Variants in ARHGAP12 observed in about 807,000 individuals in gnomAD.
The protein encoded by ARHGAP12 is Rho GTPase activating protein 12.
Under a neutral mutation model 108.6 loss-of-function variants are expected in ARHGAP12, and 64 were observed. The ratio of observed to expected loss-of-function variants is 0.59; its 90% CI spans 0.48 to 0.73. The LOEUF is 0.73. Ranked by LOEUF, ARHGAP12 falls within the 30% of genes least tolerant of loss-of-function variation. ARHGAP12 has a pLI of 0.00. For synonymous variants in ARHGAP12, 312 were observed against 337.2 expected, an observed-to-expected ratio of 0.93 and a Z score of 0.82; for missense variants, 940 against 1,005.9, an observed-to-expected ratio of 0.93 and a Z score of 0.89.
intron 11 of ARHGAP12, 133 bp downstream of exon 11, chr10:31,826,168 TAAG>T (rs1835598069): frequency 1.6e-6 from 1 of 607,820 alleles, no homozygotes; most frequent in Non-Finnish European, 2.7e-6. Context: ...AATGAATCTT[TAAG>T]AAGATTTTAT....
intron 9 of ARHGAP12, among the ~76,000 whole-genome samples, chr10:31,834,029 C>T (rs1027199077): frequency 6.6e-6 from 1 of 151,978 alleles, no homozygotes; most frequent in Non-Finnish European, 1.5e-5. Context: ...AGAAAAGGGG[C>T]CCAATTTGAC....
intron 1 of ARHGAP12, among the ~76,000 whole-genome samples, chr10:31,911,965 A>G (rs1839366781): frequency 6.6e-6 from 1 of 152,088 alleles, no homozygotes; most frequent in Non-Finnish European, 1.5e-5. Flanking sequence ...AATACCTCAA[A>G]CTTATCATAA....
intron 6 of ARHGAP12, among the ~76,000 whole-genome samples, chr10:31,844,882 C>G (rs1452097279): frequency 2.0e-5 from 3 of 152,048 alleles, no homozygotes; most frequent in African/African-American, 7.2e-5. Context: ...TTATGGATAT[C>G]TGTTTGCAAA....
At chr10:31,814,153 T>C (rs1272284833) in intron 14 of ARHGAP12, 106 bp downstream of exon 14, 2 of 871,300 alleles carry the variant, frequency 2.3e-6, no homozygotes, top group Non-Finnish European at 3.7e-6. Context: ...ACAGCCCTTT[T>C]GTAACATTGG....
In ARHGAP12 at chr10:31,908,190, G is replaced by A; in HGVS notation, c.666C>T (p.Ser222=). 6.2e-7 allele frequency: 1 copy of A among 1,605,150 alleles called. No homozygotes were observed. The highest frequency in any genetic ancestry group is 8.5e-7 in the Non-Finnish European group (1 of 1,175,940). ...DSESGDELSS[S]STEQIRATTP... ...ATCTTACCCTTATCTGTTCAGTGGAGCTGCTGCTAAGTTCATCACCAGATT... is the reference window on the plus strand; with the variant it reads ...ATCTTACCCTTATCTGTTCAGTGGAACTGCTGCTAAGTTCATCACCAGATT... Residue 222 remains serine, a synonymous_variant, in exon 3 of 20, where the codon AGC becomes AGT. Transcript: ENST00000344936.
At position 31,871,008 on chromosome 10, in the gene ARHGAP12, T is replaced by C. The variant is rs143563992; in HGVS notation, c.685-9350A>G. 3.0e-3 allele frequency among the ~76,000 whole-genome samples: 456 copies of C among 152,304 alleles called. 1 individual carries two copies. Among genetic ancestry groups the C allele is most frequent in the Middle Eastern group, 0.017 (5 of 294 alleles). ...AGGAAAGAGGACAAAACTACTCTAA[T>C]GACACAGCTAACTGCTGCAGAGAGA... On this transcript the variant is annotated intron_variant, in intron 3 of 19. Transcript: ENST00000344936.
chr10:31,844,894 A>G (rs1023357981), intron 6 of ARHGAP12, among the ~76,000 whole-genome samples: 3 of 152,120 alleles, frequency 2.0e-5, no homozygotes, highest in African/African-American at 7.2e-5. Flanking sequence ...GTTTGCAAAT[A>G]TAAATTTTAG....
chr10:31,893,326 C>T (rs1198395106), intron 3 of ARHGAP12, among the ~76,000 whole-genome samples: 2 of 151,848 alleles, frequency 1.3e-5, no homozygotes, highest in Non-Finnish European at 2.9e-5. Context: ...TTGAAAAAAT[C>T]AACAAAATTG....
At position 31,889,458 on chromosome 10, in the gene ARHGAP12, A is replaced by G. The variant is rs532386998; in HGVS notation, c.684+18714T>C. Among the ~76,000 whole-genome samples the G allele has an allele frequency of 5.9e-5, 9 of 152,200 alleles. No homozygotes were observed. The East Asian group carries it at 1.7e-3, about 29-fold the overall frequency. On this transcript the variant is annotated intron_variant, in intron 3 of 19. Coordinates refer to ENST00000344936, the MANE Select transcript of ARHGAP12 (RefSeq NM_018287.7). Reference sequence around the variant, plus strand: ...AATAATTGCTATAAAGAATAATACAAAGTTCACCTTTGCACTCAAATAAAT... The same window carrying G: ...AATAATTGCTATAAAGAATAATACAGAGTTCACCTTTGCACTCAAATAAAT...
intron 6 of ARHGAP12, among the ~76,000 whole-genome samples, chr10:31,851,294 C>A (rs76150765): frequency 8.6e-5 from 13 of 152,002 alleles, no homozygotes; most frequent in Non-Finnish European, 1.3e-4. Flanking sequence ...TAAGAACCTA[C>A]GTAAAATGTG....
At chr10:31,838,124 A>G (rs1197998879) in intron 9 of ARHGAP12, among the ~76,000 whole-genome samples, 4 of 152,220 alleles carry the variant, frequency 2.6e-5, no homozygotes, top group East Asian at 3.8e-4. Flanking sequence ...CTGAGGAAAT[A>G]AAAGTTCAAA....
At chr10:31,863,982 T>A (rs1407719985) in intron 3 of ARHGAP12, among the ~76,000 whole-genome samples, 1 of 152,074 alleles carries the variant, frequency 6.6e-6, no homozygotes, top group Non-Finnish European at 1.5e-5. Context: ...GTCTATAAGG[T>A]TAACATAATT....
intron 3 of ARHGAP12, among the ~76,000 whole-genome samples, chr10:31,889,005 G>A (rs1003909004): frequency 6.6e-6 from 1 of 152,036 alleles, no homozygotes; most frequent in Non-Finnish European, 1.5e-5. Context: ...TGCCTCCCAG[G>A]TTCAAATGAT....
intron 3 of ARHGAP12, among the ~76,000 whole-genome samples, chr10:31,900,492 C>T (rs1437461796): frequency 6.6e-6 from 1 of 152,160 alleles, no homozygotes; most frequent in African/African-American, 2.4e-5. Context: ...TGTGAAAGAT[C>T]CATACGATTA....
intron 1 of ARHGAP12, among the ~76,000 whole-genome samples, chr10:31,910,767 C>CTAAA (rs1214667207): frequency 6.6e-6 from 1 of 152,192 alleles, no homozygotes. Context: ...GCTGGCTTTA[C>CTAAA]CACTGCCCTC....
intron 3 of ARHGAP12, among the ~76,000 whole-genome samples, chr10:31,896,590 A>T (rs1277009909): frequency 6.6e-6 from 1 of 152,162 alleles, no homozygotes; most frequent in Non-Finnish European, 1.5e-5. Flanking sequence ...TAAGACACAC[A>T]TATTAAACGA....
chr10:31,813,645 C>CAT (rs34595334), intron 14 of ARHGAP12, among the ~76,000 whole-genome samples: 117,045 of 151,922 alleles, frequency 0.77, 46,048 homozygotes, highest in African/African-American at 0.93. Context: ...CTCAGTTAAA[C>CAT]GTGGATTTGT....
chr10:31,927,662 C>T (rs1312764649), intron 1 of ARHGAP12, among the ~76,000 whole-genome samples: 1 of 152,222 alleles, frequency 6.6e-6, no homozygotes, highest in African/African-American at 2.4e-5. Context: ...GACATTAAAA[C>T]TTTCGATAAA....
chr10:31,862,757 C>T (rs1021245193), intron 3 of ARHGAP12, among the ~76,000 whole-genome samples: 12 of 150,138 alleles, frequency 8.0e-5, no homozygotes, highest in Middle Eastern at 3.4e-3. Context: ...CACACGCCTC[C>T]GACGTGACAA....
Sources: allele counts gnomAD v4.1 joint callset (sites outside exome capture counted in the v4.1 genomes callset), GRCh38; gene constraint gnomAD v4.1.1; transcripts MANE v1.5; gene names NCBI Gene and HGNC (gene_info 2026-07-23, HGNC 2026-07-21).